Variants in MGST1 observed in about 807,000 individuals in gnomAD.
The protein encoded by MGST1 is microsomal glutathione S-transferase 1, also known as glutathione S-transferase 12.
A neutral mutation model predicts 8.9 loss-of-function variants in MGST1; 5 were observed. That is an observed-to-expected ratio of 0.56 (90% CI 0.29 to 1.19). The LOEUF is 1.19. Ranked by LOEUF, MGST1 falls within the 50% of genes most tolerant of loss-of-function variation. The pLI is 0.08. For missense variants in MGST1, 182 were observed against 187.4 expected (o/e 0.97, Z 0.17); for synonymous variants, 54 against 67.8 (o/e 0.80, Z 1.00).
At chr12:16,392,760 A>C (rs2137053742) in intron 1 of MGST1, among the ~76,000 whole-genome samples, 1 of 152,278 alleles carries the variant, frequency 6.6e-6, no homozygotes, top group African/African-American at 2.4e-5. Context: ...AGATATATAC[A>C]AAGATATATC....
intron 1 of MGST1, among the ~76,000 whole-genome samples, chr12:16,395,356 A>G (rs1010770259): frequency 1.8e-4 from 27 of 152,258 alleles, no homozygotes; most frequent in Admixed American, 1.6e-3. Flanking sequence ...ACATTGATCT[A>G]TGCGTTAACC....
chr12:16,469,279 G>A (rs1941276651), intron 4 of MGST1, among the ~76,000 whole-genome samples: 1 of 149,102 alleles, frequency 6.7e-6, no homozygotes, highest in Admixed American at 6.8e-5. Flanking sequence ...TCTGTCTCCA[G>A]GGGTCAAGCG....
chr12:16,432,318 A>G (rs1255044977), intron 1 of MGST1, among the ~76,000 whole-genome samples: 6 of 152,118 alleles, frequency 3.9e-5, no homozygotes, highest in African/African-American at 9.7e-5. Flanking sequence ...GGATTCCACC[A>G]CAATCTCTTT....
At chr12:16,543,678 A>T (rs1941805347) in intron 4 of MGST1, among the ~76,000 whole-genome samples, 1 of 152,086 alleles carries the variant, frequency 6.6e-6, no homozygotes, top group East Asian at 1.9e-4. Flanking sequence ...TTTACAGATG[A>T]GAAAACTGTT....
At chr12:16,429,829 G>A (rs755644913) in intron 1 of MGST1, among the ~76,000 whole-genome samples, 28 of 152,122 alleles carry the variant, frequency 1.8e-4, no homozygotes, top group Non-Finnish European at 2.8e-4. Flanking sequence ...GGTGGTGGTT[G>A]TTGAAAGTTG....
chr12:16,562,064 AAAT>A (rs1942426891), intron 4 of MGST1, among the ~76,000 whole-genome samples: 1 of 152,206 alleles, frequency 6.6e-6, no homozygotes, highest in Non-Finnish European at 1.5e-5. Flanking sequence ...GTATTTTGAT[AAAT>A]AATATTTATT....
chr12:16,359,535 C>T (rs941561564), intron 3 of MGST1, among the ~76,000 whole-genome samples: 1 of 151,968 alleles, frequency 6.6e-6, no homozygotes, highest in Admixed American at 6.6e-5. Context: ...AAAATAGTTT[C>T]AGGACAAAGA....
chr12:16,347,189 G>GTGA (rs1939243582), upstream of MGST1: 1 of 152,232 alleles, frequency 6.6e-6, no homozygotes, highest in African/African-American at 2.4e-5. The surrounding 1 kb of genome is among the most constrained non-coding windows in gnomAD (Gnocchi z 4.0). Context: ...AACACCGTAA[G>GTGA]TGATCTTTAC....
In MGST1 at chr12:16,576,990, C is replaced by T. The variant is rs1397889283; in HGVS notation, n.483-12538C>T. 6.6e-6 allele frequency among the ~76,000 whole-genome samples: 1 copy of T among 152,196 alleles called. No individual in the cohort carries two copies. Among genetic ancestry groups the T allele is most frequent in the Non-Finnish European group, 1.5e-5 (1 of 68,030 alleles). On this transcript the variant is annotated intron_variant and non_coding_transcript_variant, in intron 4 of 4. Transcript: ENST00000538857. The surrounding 1 kb of genome is among the most constrained non-coding windows in gnomAD (Gnocchi z 4.1). Reference sequence around the variant, plus strand: ...TGAGTAAAACTACACTGGAAGCTTGCTAGGCAACATGAGAATCTACTTGCT... The same window carrying T: ...TGAGTAAAACTACACTGGAAGCTTGTTAGGCAACATGAGAATCTACTTGCT...
chr12:16,394,290 A>G (rs904848630), intron 1 of MGST1, among the ~76,000 whole-genome samples: 2 of 150,204 alleles, frequency 1.3e-5, no homozygotes, highest in African/African-American at 4.9e-5. Flanking sequence ...TTTTTCTGCC[A>G]TTGGAGTTTT....
chr12:16,402,244 C>T lies in MGST1; in HGVS notation n.778+18640C>T. 4 of 1,587,738 alleles carry T rather than the reference C, an allele frequency of 2.5e-6. No individual in the cohort carries two copies. In the South Asian group the frequency reaches 4.4e-5, roughly 18 times the overall value. ...AAGACCATGGTAGTATCAGTTAGTT[C>T]ATAACCAAAGAGCCATGTCTGTAAG... On this transcript the variant is annotated intron_variant and non_coding_transcript_variant, in intron 1 of 1. Coordinates refer to the MGST1 transcript ENST00000359720.
intron 1 of MGST1, among the ~76,000 whole-genome samples, chr12:16,422,623 G>A (rs549403478): frequency 4.3e-4 from 65 of 152,182 alleles, no homozygotes; most frequent in Admixed American, 2.1e-3. Context: ...CCAATGTACT[G>A]TATCCTTTAG....
At chr12:16,383,420 A>G (rs1465020327) in exon 1 of MGST1, 1 of 152,054 alleles carries the variant, frequency 6.6e-6, no homozygotes, top group Non-Finnish European at 1.5e-5. Flanking sequence ...GTAAAAATTT[A>G]TATATTTTTT....
rs1940615044 is a variant in MGST1, at chr12:16,397,524, C to A, written n.778+13920C>A. On this transcript the variant is annotated intron_variant and non_coding_transcript_variant, in intron 1 of 1. Coordinates refer to the MGST1 transcript ENST00000359720. ...GTGGGAGAAAACCTTTACAATCTAT[C>A]CATCCAACAAAGAACTAATATCCAG... is the stretch of plus-strand genomic sequence containing the variant. Among the ~76,000 whole-genome samples the A allele has an allele frequency of 2.6e-5, 4 of 152,060 alleles. No individual in the cohort carries two copies. In the South Asian group the frequency reaches 8.3e-4, roughly 32 times the overall value.
intron 1 of MGST1, among the ~76,000 whole-genome samples, chr12:16,397,282 A>G (rs1004585947): frequency 5.3e-5 from 8 of 152,240 alleles, no homozygotes; most frequent in African/African-American, 1.9e-4. Flanking sequence ...TCAACTCAAG[A>G]TGGATCAAGG....
chr12:16,408,173 AC>A (rs1401108083), intron 1 of MGST1, among the ~76,000 whole-genome samples: 2 of 152,016 alleles, frequency 1.3e-5, no homozygotes, highest in African/African-American at 2.4e-5. Context: ...GGATGCATGG[AC>A]ATATGGACAT....
At chr12:16,539,909 C>T (rs910487458) in intron 4 of MGST1, among the ~76,000 whole-genome samples, 9 of 152,172 alleles carry the variant, frequency 5.9e-5, no homozygotes, top group African/African-American at 2.2e-4. Flanking sequence ...TCTGCAACTC[C>T]TCTACATACT....
At position 16,408,030 on chromosome 12, in the gene MGST1, C is replaced by CAAA. The variant is rs200073692; in HGVS notation, n.778+24452_778+24454dup. Reference sequence around the variant, plus strand: ...CTGGCAACAGAGCAAGACTCTGTCTCAAAAAAAAAAAAAAAAAAAAAAAAA... The same window carrying CAAA: ...CTGGCAACAGAGCAAGACTCTGTCTCAAAAAAAAAAAAAAAAAAAAAAAAAAAA... On this transcript the variant is annotated intron_variant and non_coding_transcript_variant, in intron 1 of 1. Transcript: ENST00000359720. Among the ~76,000 whole-genome samples, 57 of 44,084 alleles carry CAAA rather than the reference C, an allele frequency of 1.3e-3. 6 individuals carry two copies. The highest frequency in any genetic ancestry group is 1.7e-3 in the African/African-American group (32 of 18,466). 28.9% of individuals were successfully genotyped at this position (44,084 alleles called of 152,430 possible). A position where few individuals can be genotyped will look rare whatever the true frequency, so the allele number is the denominator to read the frequency against.
In MGST1 at chr12:16,400,755, T is replaced by C. The variant is rs1023230609; in HGVS notation, n.778+17151T>C. On this transcript the variant is annotated intron_variant and non_coding_transcript_variant, in intron 1 of 1. Coordinates refer to the MGST1 transcript ENST00000359720. ...TAATCTCCTTCCACGGACATACTTA[T>C]ATTCTTGATTGTGGCAATGTGAAAA... 8.7e-6 allele frequency: 11 copies of C among 1,264,334 alleles called. No individual in the cohort carries two copies. In the African/African-American group the frequency reaches 1.2e-4, roughly 14 times the overall value. 78.3% of individuals were successfully genotyped at this position (1,264,334 alleles called of 1,614,324 possible). A position where few individuals can be genotyped will look rare whatever the true frequency, so the allele number is the denominator to read the frequency against.
Sources: gnomAD v4.1 joint callset for allele counts (sites outside exome capture counted in the v4.1 genomes callset) on GRCh38, gnomAD v4.1.1 for gene constraint, Gnocchi (gnomAD v3.1) non-coding constraint, MANE v1.5 for transcripts, NCBI Gene and HGNC (gene_info 2026-07-23, HGNC 2026-07-21) for gene names.